HS3ST4: variants seen among roughly 807,000 people sequenced by gnomAD.
The protein encoded by HS3ST4 is heparan sulfate-glucosamine 3-sulfotransferase 4, also known as heparan sulfate glucosamine 3-O-sulfotransferase 4.
Under a neutral mutation model 29.2 loss-of-function variants are expected in HS3ST4, and 17 were observed. The ratio of observed to expected loss-of-function variants is 0.58; its 90% CI spans 0.40 to 0.87. HS3ST4 has a LOEUF of 0.87. HS3ST4 is among the 40% of genes least tolerant of loss of function. HS3ST4 has a pLI of 0.00. For synonymous variants in HS3ST4, 314 were observed against 285.7 expected (o/e 1.10, Z -1.00); for missense variants, 627 against 634.5 (o/e 0.99, Z 0.13).
chr16:25,917,942 A>G (rs1968308376), intron 1 of HS3ST4, among the ~76,000 whole-genome samples: 1 of 152,186 alleles, frequency 6.6e-6, no homozygotes, highest in African/African-American at 2.4e-5. Flanking sequence ...CCTGGGCTAT[A>G]AATTTATTGA....
At chr16:25,782,950 T>C (rs1966853996) in intron 1 of HS3ST4, among the ~76,000 whole-genome samples, 1 of 152,166 alleles carries the variant, frequency 6.6e-6, no homozygotes, top group Non-Finnish European at 1.5e-5. Context: ...TCAGTGGTCT[T>C]GGGTCTCTTG....
intron 1 of HS3ST4, among the ~76,000 whole-genome samples, chr16:25,741,922 C>A (rs894858007): frequency 2.6e-5 from 4 of 151,964 alleles, no homozygotes; most frequent in African/African-American, 4.8e-5. Context: ...GATAGGGCTC[C>A]CCTGTTATTT....
chr16:25,925,326 G>T (rs1227633458), intron 1 of HS3ST4, among the ~76,000 whole-genome samples: 1 of 152,062 alleles, frequency 6.6e-6, no homozygotes, highest in Non-Finnish European at 1.5e-5. Context: ...AAAGAGGAAG[G>T]CAGGGGCAGC....
chr16:25,964,781 T>C (rs557242585), intron 1 of HS3ST4, among the ~76,000 whole-genome samples: 1 of 152,348 alleles, frequency 6.6e-6, no homozygotes, highest in East Asian at 1.9e-4. Context: ...AGTGTACACA[T>C]CATTTTGTTT....
intron 1 of HS3ST4, among the ~76,000 whole-genome samples, chr16:26,104,060 A>G (rs1005140456): frequency 3.2e-4 from 48 of 152,330 alleles, no homozygotes; most frequent in African/African-American, 1.1e-3. Context: ...TGTATTTAGA[A>G]CTCCCTAAAG....
At chr16:26,009,368 C>T (rs372617214) in intron 1 of HS3ST4, among the ~76,000 whole-genome samples, 1 of 152,222 alleles carries the variant, frequency 6.6e-6, no homozygotes, top group Non-Finnish European at 1.5e-5. Context: ...ACTCATTGTT[C>T]TATCTCTAGC....
intron 1 of HS3ST4, among the ~76,000 whole-genome samples, chr16:25,707,860 C>T (rs771191425): frequency 2.6e-5 from 4 of 152,172 alleles, no homozygotes; most frequent in Non-Finnish European, 4.4e-5. Context: ...TCCCTTCATT[C>T]GGGTCTCTGC....
intron 1 of HS3ST4, among the ~76,000 whole-genome samples, chr16:25,721,640 T>C (rs375486231): frequency 1.6e-4 from 24 of 152,304 alleles, no homozygotes; most frequent in African/African-American, 5.5e-4. Context: ...CTTGAGAGGC[T>C]GTTGAGTAGT....
At chr16:26,052,162 A>G (rs1216171167) in intron 1 of HS3ST4, among the ~76,000 whole-genome samples, 3 of 152,232 alleles carry the variant, frequency 2.0e-5, no homozygotes, top group South Asian at 2.1e-4. Flanking sequence ...CTGCTCAGAG[A>G]GGCCAAGAAA....
At chr16:25,756,125 CAT>C (rs766974271) in intron 1 of HS3ST4, among the ~76,000 whole-genome samples, 48 of 118,862 alleles carry the variant, frequency 4.0e-4, no homozygotes, top group African/African-American at 7.3e-4. Flanking sequence ...CACACACACA[CAT>C]ACACACACAC....
intron 1 of HS3ST4, among the ~76,000 whole-genome samples, chr16:25,952,000 G>GA (rs61380911): frequency 0.16 from 23,528 of 150,326 alleles, 3,321 homozygotes; most frequent in African/African-American, 0.38. Context: ...AAAGAAAAAG[G>GA]AAAAAAAAAG....
intron 1 of HS3ST4, among the ~76,000 whole-genome samples, chr16:25,903,586 A>G (rs971350379): frequency 6.6e-6 from 1 of 152,018 alleles, no homozygotes; most frequent in Non-Finnish European, 1.5e-5. Flanking sequence ...TACTTATTAG[A>G]AGCAAAAGGG....
chr16:25,697,180 A>G (rs2141578807), intron 1 of HS3ST4, among the ~76,000 whole-genome samples: 1 of 152,366 alleles, frequency 6.6e-6, no homozygotes, highest in East Asian at 1.9e-4. Context: ...TAAAATGGTG[A>G]ATAAGATAGA....
In HS3ST4 at chr16:25,939,363, G is replaced by C. The variant is rs934298526; in HGVS notation, c.735-196249G>C. Reference sequence around the variant, plus strand: ...TTATTATTATTATTATTGAGACAGAGTTTCACTCTTACTGCCCAGGCTGGA... The same window carrying C: ...TTATTATTATTATTATTGAGACAGACTTTCACTCTTACTGCCCAGGCTGGA... On this transcript the variant is annotated intron_variant, in intron 1 of 1. Transcript: ENST00000331351. 5.3e-5 allele frequency among the ~76,000 whole-genome samples: 8 copies of C among 150,020 alleles called. No individual in the cohort carries two copies. The South Asian group carries it at 1.7e-3, about 32-fold the overall frequency.
chr16:25,767,730 C>A (rs1033407046), intron 1 of HS3ST4, among the ~76,000 whole-genome samples: 20 of 152,130 alleles, frequency 1.3e-4, no homozygotes, highest in African/African-American at 4.8e-4. Context: ...GAGTACTCAG[C>A]CATGTCTGGC....
Position 25,704,408 on chromosome 16 carries a change from A to G in HS3ST4, c.734+11257A>G, listed in dbSNP as rs550589053. On this transcript the variant is annotated intron_variant, in intron 1 of 1. Coordinates refer to ENST00000331351, the MANE Select transcript of HS3ST4 (RefSeq NM_006040.3). ...CAGATAGAGAGATTGAGACTTTGGA[A>G]GGGCAAGTGACATTCCTGAGCTCCC... 8.2e-4 allele frequency among the ~76,000 whole-genome samples: 125 copies of G among 152,278 alleles called. 1 individual carries two copies. The highest frequency in any genetic ancestry group is 1.4e-3 in the Non-Finnish European group (93 of 68,012).
At chr16:25,944,375 T>A (rs184031732) in intron 1 of HS3ST4, among the ~76,000 whole-genome samples, 127 of 152,350 alleles carry the variant, frequency 8.3e-4, no homozygotes, top group Admixed American at 3.8e-3. Context: ...AGGGGTAAAG[T>A]TCCCCCCTGG....
intron 1 of HS3ST4, among the ~76,000 whole-genome samples, chr16:25,800,299 G>C (rs956309289): frequency 6.6e-5 from 10 of 152,120 alleles, no homozygotes; most frequent in South Asian, 4.2e-4. Context: ...CTATTTATGG[G>C]AGTGGAATCA....
intron 1 of HS3ST4, among the ~76,000 whole-genome samples, chr16:25,956,257 T>C (rs941566635): frequency 1.3e-5 from 2 of 152,226 alleles, no homozygotes; most frequent in Non-Finnish European, 1.5e-5. Flanking sequence ...TCGTTCATAT[T>C]GGTCCCTCGC....
Sources: gnomAD v4.1 joint callset for allele counts (sites outside exome capture counted in the v4.1 genomes callset) on GRCh38, gnomAD v4.1.1 for gene constraint, MANE v1.5 for transcripts, NCBI Gene and HGNC (gene_info 2026-07-23, HGNC 2026-07-21) for gene names.